MCCC1: variants seen among roughly 807,000 people sequenced by gnomAD.
MCCC1 encodes the protein methylcrotonoyl-CoA carboxylase subunit alpha, mitochondrial.
Under a neutral mutation model 83.8 loss-of-function variants are expected in MCCC1, and 64 were observed. The observed-to-expected ratio is 0.76, with a 90% confidence interval of 0.62 to 0.94. The LOEUF is 0.94. Ranked by LOEUF, MCCC1 falls within the 40% of genes least tolerant of loss-of-function variation. The probability of loss-of-function intolerance (pLI) is 0.00; values close to 1 mark genes in which losing one functional copy is unlikely to be tolerated. For missense variants in MCCC1, 807 were observed against 904.7 expected (o/e 0.89, Z 1.39); for synonymous variants, 322 against 315.4 (o/e 1.02, Z -0.22).
intron 7 of MCCC1, among the ~76,000 whole-genome samples, chr3:183,063,218 G>A (rs1483586191): frequency 6.6e-6 from 1 of 152,010 alleles, no homozygotes; most frequent in Non-Finnish European, 1.5e-5. Flanking sequence ...TCCTGACCTC[G>A]TGATCTGCCC....
At chr3:183,048,374 T>C (rs1714710266) in intron 9 of MCCC1, among the ~76,000 whole-genome samples, 1 of 152,150 alleles carries the variant, frequency 6.6e-6, no homozygotes, top group Admixed American at 6.5e-5. Context: ...AAGACAAATA[T>C]ATGTTACCTA....
At chr3:183,098,159 G>A (rs1049753233) in intron 1 of MCCC1, among the ~76,000 whole-genome samples, 5 of 152,206 alleles carry the variant, frequency 3.3e-5, no homozygotes, top group Non-Finnish European at 7.3e-5. Flanking sequence ...TCGATCTCCT[G>A]ACCTCGTGAT....
intron 7 of MCCC1, among the ~76,000 whole-genome samples, chr3:183,066,780 A>G (rs1213677602): frequency 6.6e-6 from 1 of 152,262 alleles, no homozygotes; most frequent in Admixed American, 6.5e-5. Context: ...CTAAACTAAC[A>G]GAAGTCTGAA....
At chr3:183,094,809 T>C (rs959016203) in intron 1 of MCCC1, among the ~76,000 whole-genome samples, 8 of 152,182 alleles carry the variant, frequency 5.3e-5, no homozygotes, top group Admixed American at 1.3e-4. Context: ...TGTCCTTGAA[T>C]GAGTCACCTA....
rs1319145680 is a variant in MCCC1, at chr3:183,033,979, A to G, written c.1681+12T>C. The G allele has an allele frequency of 1.3e-6, 2 of 1,567,138 alleles. No individual in the cohort carries two copies. The highest frequency in any genetic ancestry group is 1.1e-5 in the South Asian group (1 of 90,106). ...ATGACTCACATTTCTCTTTTAATGA[A>G]ACATTACTTACTGTTTTTACCATCT... On this transcript the variant is annotated intron_variant, in intron 14 of 18. Coordinates refer to ENST00000265594, the MANE Select transcript of MCCC1 (RefSeq NM_020166.5).
At chr3:183,085,865 C>T (rs1005816304) in intron 4 of MCCC1, among the ~76,000 whole-genome samples, 1 of 152,066 alleles carries the variant, frequency 6.6e-6, no homozygotes, top group Non-Finnish European at 1.5e-5. Context: ...TCCTTCTCCT[C>T]ACCGCCGGGA....
intron 9 of MCCC1, among the ~76,000 whole-genome samples, chr3:183,051,591 G>A (rs576254765): frequency 6.6e-6 from 1 of 152,270 alleles, no homozygotes; most frequent in South Asian, 2.1e-4. Flanking sequence ...TACAATGGTG[G>A]ATACATATCA....
chr3:183,041,594 T>C lies in MCCC1; in HGVS notation c.1240A>G (p.Thr414Ala), dbSNP rs1384716442. The C allele has an allele frequency of 3.1e-6, 5 of 1,613,968 alleles. No individual in the cohort carries two copies. The African/African-American group carries it at 4.0e-5, about 13-fold the overall frequency. The change falls in exon 11 of 19, where the codon ACC becomes GCC. Residue 414 changes from threonine to alanine, a missense_variant. Physicochemically the swap from Thr to Ala is moderately conservative, Grantham distance 58. Coordinates refer to ENST00000265594, the MANE Select transcript of MCCC1 (RefSeq NM_020166.5). ...TGCCGTACTCCAGTTTCAATCCTGG[T>C]GGAAGGGTCTGCTCGAGGAGTAGAG... ...HLSTPRADPS[T>A]RIETGVRQGD...
intron 1 of MCCC1, among the ~76,000 whole-genome samples, chr3:183,108,467 AT>A (rs201921077): frequency 4.6e-5 from 7 of 151,496 alleles, no homozygotes; most frequent in Non-Finnish European, 7.4e-5. Context: ...CACTGTAAAT[AT>A]TTTTTTTTGA....
chr3:183,099,550 C>G (rs561405200), upstream of MCCC1: 110 of 1,321,528 alleles, frequency 8.3e-5, no homozygotes, highest in African/African-American at 1.5e-3. Flanking sequence ...CGGCCACCGT[C>G]GGAGCCTGAG....
rs138404256 is a variant in MCCC1, at chr3:183,093,348, T to C, written c.137-803A>G. On this transcript the variant is annotated intron_variant, in intron 2 of 18. Transcript: ENST00000265594. ...GAAGAAACTAATGCTGAAAGAGCTA[T>C]TATTTTCCCAAAATTACACAGCTAA... is the stretch of plus-strand genomic sequence containing the variant. Among the ~76,000 whole-genome samples the C allele has an allele frequency of 7.1e-3, 1,077 of 152,330 alleles. 16 individuals are homozygous for C. The highest frequency in any genetic ancestry group is 0.025 in the African/African-American group (1,023 of 41,576).
chr3:183,093,636 C>CT (rs1718525297), intron 2 of MCCC1, among the ~76,000 whole-genome samples: 1 of 151,832 alleles, frequency 6.6e-6, no homozygotes, highest in Non-Finnish European at 1.5e-5. Context: ...TCCATAGGCT[C>CT]AACATAATAA....
At chr3:183,095,437 G>A (rs937396880) in intron 1 of MCCC1, among the ~76,000 whole-genome samples, 4 of 152,118 alleles carry the variant, frequency 2.6e-5, no homozygotes, top group African/African-American at 7.2e-5. Context: ...AGAAATAAAC[G>A]GAAGTTAAAC....
intron 7 of MCCC1, among the ~76,000 whole-genome samples, chr3:183,070,677 G>C (rs1204008324): frequency 6.6e-6 from 1 of 151,554 alleles, no homozygotes; most frequent in African/African-American, 2.4e-5. Flanking sequence ...AGGTTGCAAT[G>C]AGCCGAGATC....
intron 9 of MCCC1, among the ~76,000 whole-genome samples, chr3:183,050,702 T>C (rs1714904629): frequency 9.4e-6 from 1 of 106,866 alleles, no homozygotes; most frequent in Non-Finnish European, 1.7e-5. Flanking sequence ...TGAGACTCTG[T>C]CTCAAAAAAA....
chr3:183,037,450 A>T lies in MCCC1; in HGVS notation c.1378-16T>A. On this transcript the variant is annotated splice_polypyrimidine_tract_variant and intron_variant, in intron 12 of 18. Coordinates refer to ENST00000265594, the MANE Select transcript of MCCC1 (RefSeq NM_020166.5). ...GTCCAACAATCTAGGAAGAGAATAA[A>T]CCCCCAGTTCCTGCTGAGTGGGGAA... 1 of 1,597,380 alleles carries T rather than the reference A, an allele frequency of 6.3e-7. No homozygotes were observed. Among genetic ancestry groups the T allele is most frequent in the Non-Finnish European group, 8.6e-7 (1 of 1,164,726 alleles).
At chr3:183,074,282 C>T (rs1023421003) in intron 4 of MCCC1, among the ~76,000 whole-genome samples, 6 of 152,040 alleles carry the variant, frequency 3.9e-5, no homozygotes, top group Non-Finnish European at 7.4e-5. Context: ...GGGATTTTAG[C>T]CCACAGAAGA....
chr3:183,114,646 G>T (rs1395207588), intron 1 of MCCC1, among the ~76,000 whole-genome samples: 2 of 152,200 alleles, frequency 1.3e-5, no homozygotes, highest in Non-Finnish European at 2.9e-5. Flanking sequence ...AAGTCCCTTT[G>T]GGGGAAGAAG....
chr3:183,026,527 T>C (rs931411939), intron 14 of MCCC1, among the ~76,000 whole-genome samples: 4 of 151,842 alleles, frequency 2.6e-5, no homozygotes, highest in African/African-American at 7.3e-5. Context: ...CTGACCAACA[T>C]GGTGAAACCC....
Sources: gnomAD v4.1 joint callset for allele counts (sites outside exome capture counted in the v4.1 genomes callset) on GRCh38, gnomAD v4.1.1 for gene constraint, MANE v1.5 for transcripts, NCBI Gene and HGNC (gene_info 2026-07-23, HGNC 2026-07-21) for gene names.